Variants in RBFOX1 observed in about 807,000 individuals in gnomAD.
The protein encoded by RBFOX1 is RNA binding protein fox-1 homolog 1.
Under a neutral mutation model 57.7 loss-of-function variants are expected in RBFOX1, and 8 were observed. The ratio of observed to expected loss-of-function variants is 0.14; its 90% CI spans 0.08 to 0.25. The LOEUF is 0.25. RBFOX1 is among the 10% of genes least tolerant of loss of function. RBFOX1 has a pLI of 1.00. For synonymous variants in RBFOX1, 326 were observed against 222.4 expected, an observed-to-expected ratio of 1.47 and a Z score of -4.15; for missense variants, 611 against 548.5, an observed-to-expected ratio of 1.11 and a Z score of -1.14.
chr16:5,735,137 C>T (rs759384927), intron 3 of RBFOX1, among the ~76,000 whole-genome samples: 1 of 152,166 alleles, frequency 6.6e-6, no homozygotes, highest in Non-Finnish European at 1.5e-5. Context: ...CCTGAACTGT[C>T]TGTGGTCACA....
intron 4 of RBFOX1, among the ~76,000 whole-genome samples, chr16:7,199,427 A>G (rs931080138): frequency 2.0e-5 from 3 of 152,204 alleles, no homozygotes; most frequent in African/African-American, 4.8e-5. Flanking sequence ...ATGCACTTCA[A>G]AATGTCTTTG....
intron 3 of RBFOX1, among the ~76,000 whole-genome samples, chr16:6,910,917 A>C (rs1282073442): frequency 6.6e-6 from 1 of 152,056 alleles, no homozygotes; most frequent in Non-Finnish European, 1.5e-5. Context: ...AAGAGGAAGG[A>C]GGGTCAGGTG....
intron 10 of RBFOX1, among the ~76,000 whole-genome samples, chr16:7,618,645 C>G (rs186951289): frequency 7.2e-5 from 11 of 151,798 alleles, no homozygotes; most frequent in Admixed American, 1.3e-4. Context: ...CTTATTTCCC[C>G]AACAAATTAA....
In RBFOX1 at chr16:6,078,326, G is replaced by A. The variant is rs112192751; in HGVS notation, c.-127+58334G>A. 4.3e-4 allele frequency among the ~76,000 whole-genome samples: 66 copies of A among 152,128 alleles called. 1 individual carries two copies. The highest frequency in any genetic ancestry group is 1.3e-4 in the Non-Finnish European group (9 of 68,022). ...TTCTCCAGCCCATGTCCCCCACAGGGTGCATGTGGCCCGGGACGGCTTTGA... is the reference window on the plus strand; with the variant it reads ...TTCTCCAGCCCATGTCCCCCACAGGATGCATGTGGCCCGGGACGGCTTTGA... On this transcript the variant is annotated intron_variant, in intron 1 of 15. Coordinates refer to ENST00000550418, the MANE Select transcript of RBFOX1 (RefSeq NM_018723.4).
intron 3 of RBFOX1, among the ~76,000 whole-genome samples, chr16:6,703,315 C>G (rs4786919): frequency 2.6e-5 from 4 of 151,896 alleles, no homozygotes; most frequent in African/African-American, 9.7e-5. Flanking sequence ...TAGCTTACAC[C>G]TGTGATCCAG....
chr16:7,336,768 C>T lies in RBFOX1; in HGVS notation c.28-181379C>T, dbSNP rs970012931. On this transcript the variant is annotated intron_variant, in intron 4 of 15. Coordinates refer to ENST00000550418, the MANE Select transcript of RBFOX1 (RefSeq NM_018723.4). ...AATTGGGCAGTATTTGTCCACCTTC[C>T]TATATCTGTAATTGTAAATTCCAAA... is the stretch of plus-strand genomic sequence containing the variant. Among the ~76,000 whole-genome samples, 3 of 152,264 alleles carry T rather than the reference C, an allele frequency of 2.0e-5. No individual in the cohort carries two copies. The East Asian group carries it at 5.8e-4, about 29-fold the overall frequency.
intron 2 of RBFOX1, among the ~76,000 whole-genome samples, chr16:5,484,344 C>T (rs1001162509): frequency 6.6e-6 from 1 of 152,196 alleles, no homozygotes; most frequent in Admixed American, 6.5e-5. Flanking sequence ...CTCCAGTAAG[C>T]AGCTCACATC....
intron 3 of RBFOX1, among the ~76,000 whole-genome samples, chr16:6,913,474 C>G (rs1294669410): frequency 6.6e-6 from 1 of 152,140 alleles, no homozygotes; most frequent in East Asian, 1.9e-4. Flanking sequence ...TGCCATCGGC[C>G]TTCTTCACAC....
intron 13 of RBFOX1, among the ~76,000 whole-genome samples, chr16:7,674,723 T>C (rs1175028343): frequency 6.6e-6 from 1 of 152,216 alleles, no homozygotes; most frequent in Non-Finnish European, 1.5e-5. Context: ...TGCAGCGGAA[T>C]CCCAGGTGTA....
At chr16:7,009,648 G>A (rs2029625) in intron 3 of RBFOX1, among the ~76,000 whole-genome samples, 65,690 of 151,668 alleles carry the variant, frequency 0.43, 17,522 homozygotes, top group South Asian at 0.61. Flanking sequence ...TACCGTCTGG[G>A]CACTTGTCAC....
chr16:5,614,302 C>T (rs928939004), intron 3 of RBFOX1, among the ~76,000 whole-genome samples: 6 of 152,142 alleles, frequency 3.9e-5, no homozygotes, highest in African/African-American at 1.2e-4. Context: ...CCCTAGGTCT[C>T]TCCTGGGGAC....
chr16:6,683,942 G>A (rs1568201645), intron 3 of RBFOX1, among the ~76,000 whole-genome samples: 1 of 152,178 alleles, frequency 6.6e-6, no homozygotes. Context: ...TCACGCAGTG[G>A]GTGCCTGCTA....
chr16:7,690,610 C>G (rs1451992221), intron 14 of RBFOX1, among the ~76,000 whole-genome samples: 1 of 152,112 alleles, frequency 6.6e-6, no homozygotes, highest in Admixed American at 6.6e-5. Flanking sequence ...TGGTACCAGC[C>G]TTCTTTCTTC....
At chr16:5,431,102 G>A (rs2067719402) in intron 1 of RBFOX1, among the ~76,000 whole-genome samples, 1 of 152,194 alleles carries the variant, frequency 6.6e-6, no homozygotes, top group Non-Finnish European at 1.5e-5. Flanking sequence ...AGTGCTGTGA[G>A]TTTATAGGAA....
intron 4 of RBFOX1, among the ~76,000 whole-genome samples, chr16:5,916,115 T>C (rs1434725895): frequency 3.3e-5 from 5 of 152,120 alleles, no homozygotes; most frequent in Admixed American, 3.3e-4. Context: ...CAAGTGCAAA[T>C]GTAAGACATT....
At chr16:5,950,874 G>C (rs750391969) in intron 4 of RBFOX1, among the ~76,000 whole-genome samples, 4 of 152,084 alleles carry the variant, frequency 2.6e-5, no homozygotes, top group Non-Finnish European at 5.9e-5. Flanking sequence ...AGGGAGCTAG[G>C]GGGAGATGGC....
At chr16:6,458,401 C>T (rs75015391) in intron 2 of RBFOX1, among the ~76,000 whole-genome samples, 1 of 152,124 alleles carries the variant, frequency 6.6e-6, no homozygotes, top group Non-Finnish European at 1.5e-5. Flanking sequence ...ATGAAGATAG[C>T]CGTAGAACCA....
chr16:5,253,751 C>G (rs1184658921), intron 1 of RBFOX1, among the ~76,000 whole-genome samples: 3 of 152,212 alleles, frequency 2.0e-5, no homozygotes, highest in African/African-American at 7.2e-5. Context: ...TGTTCATTTG[C>G]TCTCTCTGGC....
At chr16:5,435,673 G>T (rs1415891674) in intron 1 of RBFOX1, among the ~76,000 whole-genome samples, 1 of 152,190 alleles carries the variant, frequency 6.6e-6, no homozygotes, top group Non-Finnish European at 1.5e-5. Context: ...AATTTGGGAA[G>T]TCAGGGAAGG....
Sources: gnomAD v4.1 joint callset for allele counts (sites outside exome capture counted in the v4.1 genomes callset) on GRCh38, gnomAD v4.1.1 for gene constraint, MANE v1.5 for transcripts, NCBI Gene and HGNC (gene_info 2026-07-23, HGNC 2026-07-21) for gene names.